Variants in TRAM1 observed in about 807,000 individuals in gnomAD.
The protein encoded by TRAM1 is translocation associated membrane protein 1.
In TRAM1, 17 loss-of-function variants were observed where a neutral mutation model predicts 48.7. The observed-to-expected ratio is 0.35, with a 90% confidence interval of 0.24 to 0.52. The LOEUF (loss-of-function observed/expected upper bound fraction) is 0.52. TRAM1 is among the 20% of genes least tolerant of loss of function. TRAM1 has a pLI of 0.94. For synonymous variants in TRAM1, 182 were observed against 154.0 expected (o/e 1.18, Z -1.34); for missense variants, 351 against 441.5 (o/e 0.79, Z 1.84).
At position 70,574,692 on chromosome 8, in the gene TRAM1, TATG is replaced by T. The variant is rs1816907017; in HGVS notation, c.*237_*239del. 1 of 345,676 alleles carries T rather than the reference TATG, an allele frequency of 2.9e-6. No homozygotes were observed. Among genetic ancestry groups the T allele is most frequent in the Admixed American group, 4.8e-5 (1 of 20,758 alleles). 21.4% of individuals were successfully genotyped at this position (345,676 alleles called of 1,614,324 possible). ...GTTCAAAAATAAAAACAAAATAAAA[TATG>T]GTGGTGGTCCCTAAACTATTTTGAA... On this transcript the variant is annotated 3_prime_UTR_variant, in exon 11 of 11. Coordinates refer to ENST00000262213, the MANE Select transcript of TRAM1 (RefSeq NM_014294.6).
intron 5 of TRAM1, among the ~76,000 whole-genome samples, chr8:70,595,024 T>C (rs1817457603): frequency 7.1e-6 from 1 of 141,316 alleles, no homozygotes; most frequent in Non-Finnish European, 1.5e-5. Flanking sequence ...TAATCCCAAT[T>C]TCAAATATCC....
At chr8:70,594,308 T>G (rs1487798787) in intron 6 of TRAM1, among the ~76,000 whole-genome samples, 198 bp downstream of exon 6, 1 of 150,488 alleles carries the variant, frequency 6.6e-6, no homozygotes, top group Non-Finnish European at 1.5e-5. Flanking sequence ...ACTGAAGGTT[T>G]TTTTTTTTTT....
Position 70,574,570 on chromosome 8 carries a change from C to A in TRAM1, c.*362G>T. On this transcript the variant is annotated 3_prime_UTR_variant, in exon 11 of 11. Coordinates refer to ENST00000262213, the MANE Select transcript of TRAM1 (RefSeq NM_014294.6). Reference sequence around the variant, plus strand: ...AAAATATGGCCTTCTTAGAACAGGCCACTCTGCTATTATAAAAAATTGGTG... The same window carrying A: ...AAAATATGGCCTTCTTAGAACAGGCAACTCTGCTATTATAAAAAATTGGTG... 4.7e-6 allele frequency: 1 copy of A among 211,808 alleles called. No individual in the cohort carries two copies. Among genetic ancestry groups the A allele is most frequent in the Non-Finnish European group, 9.3e-6 (1 of 107,124 alleles). The allele number at this position is 211,808 out of a possible 1,614,324, so 13.1% of individuals were successfully genotyped here.
chr8:70,582,633 C>T (rs750357065), intron 10 of TRAM1, among the ~76,000 whole-genome samples: 20 of 151,722 alleles, frequency 1.3e-4, no homozygotes, highest in Non-Finnish European at 2.4e-4. Context: ...TAGTTCTAAG[C>T]CTAATACCAC....
At chr8:70,578,067 G>T (rs1000046525) in intron 10 of TRAM1, among the ~76,000 whole-genome samples, 1 of 152,158 alleles carries the variant, frequency 6.6e-6, no homozygotes, top group Non-Finnish European at 1.5e-5. Flanking sequence ...GATCTGGGCC[G>T]GTAGCTTAAG....
intron 10 of TRAM1, among the ~76,000 whole-genome samples, chr8:70,576,467 A>C (rs1443731682): frequency 6.6e-6 from 1 of 152,258 alleles, no homozygotes; most frequent in Non-Finnish European, 1.5e-5. Context: ...GAATAATTTT[A>C]TGCCGATGTA....
intron 1 of TRAM1, chr8:70,607,824 G>A (rs1817783323): frequency 2.8e-5 from 9 of 318,988 alleles, no homozygotes; most frequent in South Asian, 2.6e-4. Flanking sequence ...GGAAGGGGGC[G>A]ACGCGGCGGT....
intron 6 of TRAM1, among the ~76,000 whole-genome samples, chr8:70,592,059 A>G (rs1208621277): frequency 6.6e-6 from 1 of 152,200 alleles, no homozygotes; most frequent in Non-Finnish European, 1.5e-5. Flanking sequence ...AATTATAGGT[A>G]TGTATAATTA....
intron 10 of TRAM1, among the ~76,000 whole-genome samples, chr8:70,582,624 AG>A (rs1166994807): frequency 6.6e-6 from 1 of 151,504 alleles, no homozygotes; most frequent in Non-Finnish European, 1.5e-5. Context: ...CCTGTGTTAT[AG>A]TTCTAAGCCT....
intron 10 of TRAM1, among the ~76,000 whole-genome samples, chr8:70,579,235 T>C (rs1817024182): frequency 6.6e-6 from 1 of 152,236 alleles, no homozygotes; most frequent in South Asian, 2.1e-4. Flanking sequence ...CTATTGCTCC[T>C]AGGCTAAAAA....
intron 6 of TRAM1, among the ~76,000 whole-genome samples, chr8:70,593,293 A>G (rs1334726410): frequency 1.3e-5 from 2 of 152,076 alleles, no homozygotes; most frequent in Admixed American, 6.5e-5. Flanking sequence ...TGAATTAACT[A>G]TTTGTAGCAC....
At chr8:70,597,873 CA>C (rs1563389175) in intron 4 of TRAM1, 21 bp downstream of exon 4, 2 of 1,517,314 alleles carry the variant, frequency 1.3e-6, no homozygotes, top group Non-Finnish European at 1.8e-6. Flanking sequence ...AGGAGAACAA[CA>C]ACCTAAGAGG....
rs184714804 is a variant in TRAM1 at position 70,593,005 on chromosome 8, C to A, written c.570+1501G>T. ...ATCTATGATTCACATTAGGAGCTTA[C>A]TAAACATGGAAGGGCTACTGGAATC... On this transcript the variant is annotated intron_variant, in intron 6 of 10. Coordinates refer to ENST00000262213, the MANE Select transcript of TRAM1 (RefSeq NM_014294.6). Among the ~76,000 whole-genome samples, 18 of 152,230 alleles carry A rather than the reference C, an allele frequency of 1.2e-4. No individual in the cohort carries two copies. In the East Asian group the frequency reaches 3.1e-3, roughly 26 times the overall value.
At chr8:70,604,484 G>A (rs1162322467) in intron 1 of TRAM1, among the ~76,000 whole-genome samples, 2 of 152,138 alleles carry the variant, frequency 1.3e-5, no homozygotes, top group Non-Finnish European at 2.9e-5. Context: ...AGGAGGTCAA[G>A]TTCCAGCCAA....
chr8:70,592,518 T>C (rs1356444808), intron 6 of TRAM1, among the ~76,000 whole-genome samples: 1 of 152,272 alleles, frequency 6.6e-6, no homozygotes, highest in Non-Finnish European at 1.5e-5. Context: ...TTCTGAGTTA[T>C]GCAAATTATT....
At position 70,574,159 on chromosome 8, in the gene TRAM1, T is replaced by C. The variant is rs1410657955; in HGVS notation, c.*773A>G. 8 of 377,032 alleles carry C rather than the reference T, an allele frequency of 2.1e-5. No individual in the cohort carries two copies. The East Asian group carries it at 4.1e-4, about 19-fold the overall frequency. 23.4% of individuals were successfully genotyped at this position (377,032 alleles called of 1,614,324 possible). On this transcript the variant is annotated 3_prime_UTR_variant, in exon 11 of 11. Transcript: ENST00000262213. ...TTATGAGCCCCATTAAGAATCATTA[T>C]TAATAAACATATCAAAAAGGGCTAT...
rs766243484 is a variant in TRAM1, at chr8:70,583,813, A to G, written c.747-20T>C. The G allele has an allele frequency of 6.6e-7, 1 of 1,522,744 alleles. No individual in the cohort carries two copies. Among genetic ancestry groups the G allele is most frequent in the East Asian group, 2.4e-5 (1 of 41,042 alleles). 94.3% of individuals were successfully genotyped at this position (1,522,744 alleles called of 1,614,324 possible). A position where few individuals can be genotyped will look rare whatever the true frequency, so the allele number is the denominator to read the frequency against. On this transcript the variant is annotated intron_variant, in intron 8 of 10. Transcript: ENST00000262213. ...GAAAATCTGCAAGAAAAAGGCCGTA[A>G]GTCAAATTCCTGAAATCTCAAAAAC...
At position 70,574,289 on chromosome 8, in the gene TRAM1, CTTTGA is replaced by C. The variant is rs1283131657; in HGVS notation, c.*638_*642del. The C allele has an allele frequency of 2.5e-6, 1 of 395,332 alleles. No individual in the cohort carries two copies. Among genetic ancestry groups the C allele is most frequent in the Non-Finnish European group, 4.8e-6 (1 of 206,422 alleles). The allele number at this position is 395,332 out of a possible 1,614,324, so 24.5% of individuals were successfully genotyped here. ...CTTCACAAGTACTTTTAAGAATATACTTTGATTTAATATGTATGTTAGTAAAACTC... is the reference window on the plus strand; with the variant it reads ...CTTCACAAGTACTTTTAAGAATATACTTTAATATGTATGTTAGTAAAACTC... On this transcript the variant is annotated 3_prime_UTR_variant, in exon 11 of 11. Coordinates refer to ENST00000262213, the MANE Select transcript of TRAM1 (RefSeq NM_014294.6).
chr8:70,591,009 A>T (rs1817346122), intron 6 of TRAM1, among the ~76,000 whole-genome samples: 1 of 148,590 alleles, frequency 6.7e-6, no homozygotes, highest in East Asian at 2.0e-4. Flanking sequence ...AATAATAATA[A>T]AAAAAAAAAA....
Sources: allele counts gnomAD v4.1 joint callset (sites outside exome capture counted in the v4.1 genomes callset), GRCh38; gene constraint gnomAD v4.1.1; transcripts MANE v1.5; gene names NCBI Gene and HGNC (gene_info 2026-07-23, HGNC 2026-07-21).